RP1L1: variants seen among roughly 807,000 people sequenced by gnomAD.
The protein encoded by RP1L1 is RP1 like 1, also known as retinitis pigmentosa 1-like 1 protein.
RP1L1 carries 27 observed loss-of-function variants against 15.7 expected under a neutral mutation model. The observed-to-expected ratio is 1.72, with a 90% CI of 1.27 to 2.38. RP1L1 has a LOEUF of 2.38. RP1L1 is among the 30% of genes most tolerant of loss of function. The pLI, the probability that RP1L1 is intolerant of heterozygous loss-of-function variation, is 0.00. For missense variants in RP1L1, 4,798 were observed against 3,075.9 expected, an observed-to-expected ratio of 1.56 and a Z score of -13.24; for synonymous variants, 1,813 against 1,276.7, an observed-to-expected ratio of 1.42 and a Z score of -8.96.
chr8:10,628,807 T>A (rs1170571613), intron 1 of RP1L1, among the ~76,000 whole-genome samples: 1 of 152,158 alleles, frequency 6.6e-6, no homozygotes. Flanking sequence ...CCTTGGAAAC[T>A]GTCAAAAAAC....
chr8:10,646,392 T>C (rs1298741804), intron 1 of RP1L1, among the ~76,000 whole-genome samples: 2 of 152,190 alleles, frequency 1.3e-5, no homozygotes, highest in African/African-American at 4.8e-5. Context: ...TTGTATGCTC[T>C]CCTAAGACCT....
Position 10,609,823 on chromosome 8 carries a change from G to T in RP1L1, c.4275C>A (p.Asp1425Glu), listed in dbSNP as rs182279724. ...TTCCTGCTTCCTCCTCCTGGACTGG[G>T]TCATCTTCCTGGGAGCCTTTCCCAT... ...SPDGKGSQED[D>E]PVQEEEAGRA... The change falls in exon 4 of 4, where the codon GAC becomes GAA. Residue 1425 changes from aspartate (D) to glutamate (E), a missense_variant. Physicochemically the swap from Asp to Glu is conservative, Grantham distance 45. Coordinates refer to ENST00000382483, the MANE Select transcript of RP1L1 (RefSeq NM_178857.6). The T allele has an allele frequency of 1.7e-4, 282 of 1,614,134 alleles. No homozygotes were observed. Among genetic ancestry groups the T allele is most frequent in the Middle Eastern group, 1.5e-3 (9 of 6,062 alleles).
chr8:10,611,031 C>G lies in RP1L1; in HGVS notation c.3067G>C (p.Glu1023Gln), dbSNP rs201996553. 2.2e-4 allele frequency: 356 copies of G among 1,612,790 alleles called. 1 individual carries two copies. The African/African-American group carries it at 4.2e-3, about 19-fold the overall frequency. Residue 1023 changes from glutamate (E) to glutamine (Q), a missense_variant, in exon 4 of 4, where the codon GAG becomes CAG. Glu to Gln is a conservative substitution (Grantham distance 29). Transcript: ENST00000382483. ...SLEGDPGQDP[E>Q]PEGALLGSSD... ...CTCCCCAGGAGGGCTCCCTCTGGCTCTGGGTCCTGGCCGGGGTCCCCTTCC... is the reference window on the plus strand; with the variant it reads ...CTCCCCAGGAGGGCTCCCTCTGGCTGTGGGTCCTGGCCGGGGTCCCCTTCC...
chr8:10,609,701 T>C lies in RP1L1; in HGVS notation c.4397A>G (p.Glu1466Gly). 6.2e-7 allele frequency: 1 copy of C among 1,612,892 alleles called. No homozygotes were observed. Among genetic ancestry groups the C allele is most frequent in the East Asian group, 2.2e-5 (1 of 44,876 alleles). Residue 1466 changes from glutamate (E) to glycine (G), a missense_variant, in exon 4 of 4, where the codon GAG becomes GGG. Coordinates refer to ENST00000382483, the MANE Select transcript of RP1L1 (RefSeq NM_178857.6). ...HLSETDPSAS[E>G]RQSGSQLEPG... is the part of the protein sequence containing the mutation. ...CTCAAGCTGGGAGCCACTCTGCCTC[T>C]CGCTGGCACTTGGGTCCGTCTCGCT...
intron 1 of RP1L1, among the ~76,000 whole-genome samples, chr8:10,653,914 G>T (rs962566950): frequency 1.3e-5 from 2 of 152,054 alleles, no homozygotes; most frequent in Non-Finnish European, 2.9e-5. Flanking sequence ...GTGCCCTCCC[G>T]CGACCTCCTC....
rs1318863034 is a variant in RP1L1, at chr8:10,622,858, C to T, written c.344G>A (p.Gly115Glu). The part of the protein sequence containing the change: ...SDKKPPKTPS[G>E]PGRPQERNPT... ...GTTTCTCTCCTGTGGCCGGCCTGGT[C>T]CACTGGGGGTCTTGGGGGGCTTCTT... Residue 115 changes from glycine (G) to glutamate (E), a missense_variant, in exon 2 of 4, where the codon GGA (glycine) becomes GAA (glutamate). Physicochemically the swap from Gly to Glu is moderately conservative, Grantham distance 98 (BLOSUM62 -2). Coordinates refer to ENST00000382483, the MANE Select transcript of RP1L1 (RefSeq NM_178857.6). 2.5e-6 allele frequency: 4 copies of T among 1,612,996 alleles called. No individual in the cohort carries two copies. Among genetic ancestry groups the T allele is most frequent in the Non-Finnish European group, 3.4e-6 (4 of 1,179,364 alleles).
chr8:10,651,945 T>C (rs897172887), intron 1 of RP1L1, among the ~76,000 whole-genome samples: 4 of 152,150 alleles, frequency 2.6e-5, no homozygotes, highest in African/African-American at 9.7e-5. Flanking sequence ...AAAAATCTTT[T>C]ATACTGTATC....
At chr8:10,650,689 G>C (rs531712591) in intron 1 of RP1L1, among the ~76,000 whole-genome samples, 1 of 152,066 alleles carries the variant, frequency 6.6e-6, no homozygotes, top group African/African-American at 2.4e-5. Flanking sequence ...AGCCTCCCGA[G>C]TAGCTGCAAC....
intron 1 of RP1L1, among the ~76,000 whole-genome samples, chr8:10,629,759 C>A (rs1026514286): frequency 6.6e-6 from 1 of 152,170 alleles, no homozygotes; most frequent in Non-Finnish European, 1.5e-5. Flanking sequence ...CTCCTCCTGT[C>A]TTTCTACCCT....
At chr8:10,638,274 G>C (rs932903293) in intron 1 of RP1L1, among the ~76,000 whole-genome samples, 2 of 152,130 alleles carry the variant, frequency 1.3e-5, no homozygotes, top group Non-Finnish European at 2.9e-5. Flanking sequence ...GATTCCCACC[G>C]AGGTCTGGTC....
intron 2 of RP1L1, among the ~76,000 whole-genome samples, chr8:10,620,261 G>A (rs976036856): frequency 6.6e-6 from 1 of 152,180 alleles, no homozygotes; most frequent in Non-Finnish European, 1.5e-5. Context: ...CATGGGTTAT[G>A]GCATGGGTTT....
chr8:10,609,263 C>T lies in RP1L1; in HGVS notation c.4835G>A (p.Gly1612Asp), dbSNP rs374426762. The T allele has an allele frequency of 1.1e-5, 17 of 1,608,970 alleles. No individual in the cohort carries two copies. The highest frequency in any genetic ancestry group is 1.3e-5 in the African/African-American group (1 of 74,928). The change falls in exon 4 of 4, where the codon GGC becomes GAC. Residue 1612 changes from glycine to aspartate, a missense_variant. Transcript: ENST00000382483. The stretch of plus-strand genomic sequence containing the variant: ...AGAGAAGGCCGAGAGGTTTCGCAGG[C>T]CCCGGAGACGGTGTCTGCGCTGCTG... ...QTQQRRHRLR[G>D]LRNLSAFSER...
intron 2 of RP1L1, among the ~76,000 whole-genome samples, chr8:10,619,896 G>A (rs1369001172): frequency 6.6e-6 from 1 of 150,516 alleles, no homozygotes; most frequent in Non-Finnish European, 1.5e-5. Flanking sequence ...AGGGGGCAGA[G>A]GTTGCAGTGA....
rs755953245 is a variant in RP1L1 at position 10,612,555 on chromosome 8, G to C, written c.1543C>G (p.Pro515Ala). The change falls in exon 4 of 4, where the codon CCA (proline) becomes GCA (alanine). Residue 515 changes from proline to alanine, a missense_variant. Transcript: ENST00000382483. ...LCIDGAGLGG[P>A]EQGGRLTPRA... Reference sequence around the variant, plus strand: ...GGTGTCAGGCGGCCGCCTTGCTCTGGGCCGCCCAGCCCTGCTCCATCTATG... The same window carrying C: ...GGTGTCAGGCGGCCGCCTTGCTCTGCGCCGCCCAGCCCTGCTCCATCTATG... 16 of 1,608,876 alleles carry C rather than the reference G, an allele frequency of 9.9e-6. No individual in the cohort carries two copies. Among genetic ancestry groups the C allele is most frequent in the Admixed American group, 1.7e-5 (1 of 60,002 alleles).
intron 1 of RP1L1, among the ~76,000 whole-genome samples, chr8:10,625,976 A>C (rs1197139546): frequency 6.6e-6 from 1 of 151,946 alleles, no homozygotes; most frequent in Non-Finnish European, 1.5e-5. Context: ...GCAGGGAAGG[A>C]AAGCAGAGGC....
intron 1 of RP1L1, among the ~76,000 whole-genome samples, chr8:10,638,119 C>A (rs1015874452): frequency 6.6e-6 from 1 of 152,244 alleles, no homozygotes; most frequent in Non-Finnish European, 1.5e-5. Flanking sequence ...TTTGTTTACA[C>A]TTTGTCAGGC....
chr8:10,652,760 C>A (rs1001339481), intron 1 of RP1L1, among the ~76,000 whole-genome samples: 1 of 152,160 alleles, frequency 6.6e-6, no homozygotes, highest in Non-Finnish European at 1.5e-5. Flanking sequence ...TCTGAGCCCA[C>A]GTCCCCCCTG....
intron 1 of RP1L1, among the ~76,000 whole-genome samples, chr8:10,646,626 G>C (rs932123264): frequency 6.6e-6 from 1 of 151,932 alleles, no homozygotes; most frequent in Non-Finnish European, 1.5e-5. Context: ...TGGTGTGGAC[G>C]GAGGGGACCG....
At position 10,609,617 on chromosome 8, in the gene RP1L1, T is replaced by C; in HGVS notation, c.4481A>G (p.Gln1494Arg). The C allele has an allele frequency of 1.2e-6, 2 of 1,607,250 alleles. No homozygotes were observed. The highest frequency in any genetic ancestry group is 1.7e-6 in the Non-Finnish European group (2 of 1,179,924). Residue 1494 changes from glutamine (Q) to arginine (R), a missense_variant, in exon 4 of 4, where the codon CAA becomes CGA. Coordinates refer to ENST00000382483, the MANE Select transcript of RP1L1 (RefSeq NM_178857.6). ...CCTCTCTGCAGCCCCCTGGGTGGGT[T>C]GGGCCTGCGTGTGCTCTTGGCCCAT... ...TMMGQEHTQA[Q>R]PTQGAAERSS...
Sources: gnomAD v4.1 joint callset for allele counts (sites outside exome capture counted in the v4.1 genomes callset) on GRCh38, gnomAD v4.1.1 for gene constraint, MANE v1.5 for transcripts, NCBI Gene and HGNC (gene_info 2026-07-23, HGNC 2026-07-21) for gene names.